Variants in RBM20 observed in about 807,000 individuals in gnomAD.
RBM20 encodes the protein RNA binding motif protein 20, also known as RNA-binding protein 20.
A neutral mutation model predicts 110.1 loss-of-function variants in RBM20; 51 were observed. The ratio of observed to expected loss-of-function variants is 0.46; its 90% CI spans 0.37 to 0.59. The LOEUF (loss-of-function observed/expected upper bound fraction) is 0.59, where lower values mean the gene tolerates loss of function less well. Among genes scored for constraint, RBM20 ranks in the 20% least tolerant of loss-of-function variants. The probability of loss-of-function intolerance (pLI) is 0.00; values close to 1 mark genes in which losing one functional copy is unlikely to be tolerated. For synonymous variants in RBM20, 589 were observed against 618.2 expected, an observed-to-expected ratio of 0.95 and a Z score of 0.70; for missense variants, 1,512 against 1,574.9, an observed-to-expected ratio of 0.96 and a Z score of 0.68.
At chr10:110,710,692 T>C (rs1862913584) in intron 1 of RBM20, among the ~76,000 whole-genome samples, 1 of 152,244 alleles carries the variant, frequency 6.6e-6, no homozygotes, top group African/African-American at 2.4e-5. Context: ...TCCAAAGTTT[T>C]CTGTGCAGAT....
intron 9 of RBM20, among the ~76,000 whole-genome samples, chr10:110,817,589 G>T (rs1486143502): frequency 6.6e-6 from 1 of 152,244 alleles, no homozygotes; most frequent in Non-Finnish European, 1.5e-5. Context: ...GGAGCTCATA[G>T]TCTAGTGAGA....
At chr10:110,680,651 C>T (rs10885014) in intron 1 of RBM20, among the ~76,000 whole-genome samples, 103,182 of 152,120 alleles carry the variant, frequency 0.68, 37,279 homozygotes, top group Non-Finnish European at 0.8. Flanking sequence ...TCACGCAATG[C>T]GTGTCACCTG....
intron 12 of RBM20, among the ~76,000 whole-genome samples, chr10:110,827,057 T>C (rs993472510): frequency 6.6e-6 from 1 of 152,164 alleles, no homozygotes; most frequent in Non-Finnish European, 1.5e-5. Flanking sequence ...ATTCATTATC[T>C]CATTGGTCCC....
intron 1 of RBM20, among the ~76,000 whole-genome samples, chr10:110,718,593 T>G (rs1369791395): frequency 1.3e-5 from 2 of 149,136 alleles, no homozygotes; most frequent in African/African-American, 4.9e-5. Flanking sequence ...TTAATACATA[T>G]AATTCTACTC....
rs1166760240 is a variant in RBM20, at chr10:110,835,957, C to A, written c.3663C>A (p.Arg1221=). The A allele has an allele frequency of 3.8e-6, 5 of 1,309,530 alleles. No individual in the cohort carries two copies. The highest frequency in any genetic ancestry group is 1.3e-5 in the South Asian group (1 of 77,358). 81.1% of individuals were successfully genotyped at this position (1,309,530 alleles called of 1,614,324 possible). A position where few individuals can be genotyped will look rare whatever the true frequency, so the allele number is the denominator to read the frequency against. ...PRPEDSGIVP[R]FERKKL ...CAGAGGACAGCGGAATCGTGCCACG[C>A]TTCGAAAGGAAAAAGCTCTGATGCT... Residue 1221 remains arginine (R), a synonymous_variant, in exon 14 of 14, where the codon CGC becomes CGA. Coordinates refer to ENST00000369519, the MANE Select transcript of RBM20 (RefSeq NM_001134363.3).
At chr10:110,773,152 A>G (rs1314247960) in intron 1 of RBM20, among the ~76,000 whole-genome samples, 1 of 152,218 alleles carries the variant, frequency 6.6e-6, no homozygotes, top group African/African-American at 2.4e-5. Flanking sequence ...TAGGTTATGC[A>G]TTTGTTCTTA....
chr10:110,753,227 C>T (rs900339687), intron 1 of RBM20, among the ~76,000 whole-genome samples: 1 of 151,578 alleles, frequency 6.6e-6, no homozygotes, highest in African/African-American at 2.4e-5. Flanking sequence ...GCCACCGTGC[C>T]TGGCGAAATT....
chr10:110,784,888 C>G lies in RBM20; in HGVS notation c.1526C>G (p.Thr509Ser). ...PTFPLASVGTTFAQRKGAGRV... is the reference protein window; with the variant it reads ...PTFPLASVGTSFAQRKGAGRV... ...TTTCCTTTGGCTTCTGTGGGGACAACTGTGAGTACGGAAACATTTTCTCTA... is the reference window on the plus strand; with the variant it reads ...TTTCCTTTGGCTTCTGTGGGGACAAGTGTGAGTACGGAAACATTTTCTCTA... Residue 509 changes from threonine to serine, a missense_variant and splice_region_variant, in exon 5 of 14, where the codon ACT becomes AGT. This residue lies in a region of RBM20 where 1,149 missense variants were observed against 1,169.4 expected (regional missense o/e 0.98). Coordinates refer to ENST00000369519, the MANE Select transcript of RBM20 (RefSeq NM_001134363.3). 1 of 1,503,818 alleles carries G rather than the reference C, an allele frequency of 6.6e-7. No individual in the cohort carries two copies. Among genetic ancestry groups the G allele is most frequent in the Non-Finnish European group, 9.0e-7 (1 of 1,107,950 alleles). The allele number at this position is 1,503,818 out of a possible 1,614,324, so 93.2% of individuals were successfully genotyped here.
intron 1 of RBM20, among the ~76,000 whole-genome samples, chr10:110,750,757 T>C (rs564070437): frequency 5.9e-5 from 9 of 152,332 alleles, no homozygotes; most frequent in African/African-American, 2.2e-4. Context: ...CTGACATCAG[T>C]GTACCTGCTT....
chr10:110,823,933 C>T (rs901782778), intron 12 of RBM20, among the ~76,000 whole-genome samples: 4 of 151,064 alleles, frequency 2.6e-5, no homozygotes, highest in Non-Finnish European at 5.9e-5. Context: ...CCATATGTGG[C>T]CCAGGCTGGT....
chr10:110,678,131 A>G (rs1007616939), intron 1 of RBM20, among the ~76,000 whole-genome samples: 1 of 152,226 alleles, frequency 6.6e-6, no homozygotes, highest in Non-Finnish European at 1.5e-5. Context: ...ATTAAGGAAA[A>G]GAAAGGATTT....
chr10:110,737,621 CTT>C (rs61353592), intron 1 of RBM20, among the ~76,000 whole-genome samples: 1 of 147,444 alleles, frequency 6.8e-6, no homozygotes. Flanking sequence ...ATTAGTTTGC[CTT>C]TTTTTTTTTG....
chr10:110,738,398 A>G (rs1216234393), intron 1 of RBM20, among the ~76,000 whole-genome samples: 3 of 152,136 alleles, frequency 2.0e-5, no homozygotes, highest in Non-Finnish European at 2.9e-5. Context: ...GAAAATGTTG[A>G]TAACATGTTC....
At chr10:110,685,159 C>A (rs1020095872) in intron 1 of RBM20, among the ~76,000 whole-genome samples, 3 of 152,210 alleles carry the variant, frequency 2.0e-5, no homozygotes, top group Non-Finnish European at 4.4e-5. Context: ...CTTTCACACG[C>A]GACCTTACGC....
chr10:110,822,593 G>T (rs147650618), intron 11 of RBM20: 13 of 411,702 alleles, frequency 3.2e-5, no homozygotes, highest in Admixed American at 8.6e-5. Flanking sequence ...AGGGGGTTTG[G>T]GGGGAGGGAG....
chr10:110,798,396 T>G (rs545308250), intron 6 of RBM20, among the ~76,000 whole-genome samples: 1 of 152,256 alleles, frequency 6.6e-6, no homozygotes, highest in Non-Finnish European at 1.5e-5. Flanking sequence ...CATTAAGCTA[T>G]CTCTCTCCAT....
rs2134990149 is a variant in RBM20, at chr10:110,753,562, T to C, written c.192-27239T>C. On this transcript the variant is annotated intron_variant, in intron 1 of 13. Coordinates refer to ENST00000369519, the MANE Select transcript of RBM20 (RefSeq NM_001134363.3). ...TTTCCCTTGCTGGTGAGGAACTCTTTGCGTGCCTGAAAACTCCTGGATTTC... is the reference window on the plus strand; with the variant it reads ...TTTCCCTTGCTGGTGAGGAACTCTTCGCGTGCCTGAAAACTCCTGGATTTC... 1.3e-5 allele frequency among the ~76,000 whole-genome samples: 2 copies of C among 152,308 alleles called. 1 individual carries two copies.
chr10:110,647,315 T>C (rs915040734), intron 1 of RBM20, among the ~76,000 whole-genome samples: 3 of 152,216 alleles, frequency 2.0e-5, no homozygotes, highest in Admixed American at 1.3e-4. Context: ...CTTATGAAGA[T>C]TGCATCTAGA....
chr10:110,759,764 TCCTGGACTAG>T (rs1564837069), intron 1 of RBM20, among the ~76,000 whole-genome samples: 1 of 152,210 alleles, frequency 6.6e-6, no homozygotes, highest in African/African-American at 2.4e-5. Flanking sequence ...GAGTCTGTAA[TCCTGGACTAG>T]CCTGGATTTG....
Sources: allele counts gnomAD v4.1 joint callset (sites outside exome capture counted in the v4.1 genomes callset), GRCh38; gene constraint gnomAD v4.1.1; regional missense constraint gnomAD v4.1.1; transcripts MANE v1.5; gene names NCBI Gene and HGNC (gene_info 2026-07-23, HGNC 2026-07-21).